The following FAM76B variants were observed in gnomAD, a reference collection of about 807,000 sequenced individuals.
FAM76B encodes protein FAM76B.
A neutral mutation model predicts 51.8 loss-of-function variants in FAM76B; 16 were observed. The observed-to-expected ratio is 0.31, with a 90% CI of 0.21 to 0.47. The LOEUF (loss-of-function observed/expected upper bound fraction) is 0.47. Among genes scored for constraint, FAM76B ranks in the 20% least tolerant of loss-of-function variants. FAM76B has a pLI of 1.00. For synonymous variants in FAM76B, 166 were observed against 129.5 expected (o/e 1.28, Z -1.91); for missense variants, 342 against 392.6 (o/e 0.87, Z 1.09).
intron 9 of FAM76B, among the ~76,000 whole-genome samples, chr11:95,772,894 A>AC (rs1859833223): frequency 2.0e-5 from 3 of 151,172 alleles, no homozygotes; most frequent in African/African-American, 7.3e-5. Flanking sequence ...TTATATGTGC[A>AC]AATCAAATAA....
At chr11:95,783,345 T>C in intron 4 of FAM76B, 81 bp from the exon 5 acceptor site, 1 of 1,174,614 alleles carries the variant, frequency 8.5e-7, no homozygotes. Context: ...CCACTCAACT[T>C]CCACCTATAT....
At chr11:95,780,702 T>C (rs1860221244) in intron 5 of FAM76B, among the ~76,000 whole-genome samples, 1 of 151,980 alleles carries the variant, frequency 6.6e-6, no homozygotes, top group South Asian at 2.1e-4. Context: ...GCCACGTATT[T>C]ATACGATTTA....
rs559080262 is a variant in FAM76B, at chr11:95,773,803, C to T, written c.930+2119G>A. ...TGAATAAGAGTTTTAACTTGATATT[C>T]TTAGTATTTTCAATATTTGGGGTAT... On this transcript the variant is annotated intron_variant, in intron 9 of 9. Transcript: ENST00000358780. 4.6e-5 allele frequency among the ~76,000 whole-genome samples: 7 copies of T among 151,332 alleles called. No homozygotes were observed. In the South Asian group the frequency reaches 1.5e-3, roughly 31 times the overall value.
At chr11:95,771,712 G>A in intron 9 of FAM76B, 62 bp from the exon 10 acceptor site, 2 of 1,264,762 alleles carry the variant, frequency 1.6e-6, no homozygotes, top group South Asian at 1.3e-5. Flanking sequence ...TCATGCTGAA[G>A]AATACTACTT....
chr11:95,783,965 G>A (rs1227877009), intron 4 of FAM76B, among the ~76,000 whole-genome samples: 1 of 152,168 alleles, frequency 6.6e-6, no homozygotes. Flanking sequence ...AAAGAGTACT[G>A]CCAAAGTGCT....
chr11:95,772,338 AATTTC>A (rs1338461430), intron 9 of FAM76B, among the ~76,000 whole-genome samples: 2 of 151,258 alleles, frequency 1.3e-5, no homozygotes, highest in South Asian at 2.1e-4. Context: ...AAAGATTCAA[AATTTC>A]ATTTCATCAT....
At chr11:95,781,803 T>G (rs909822603) in intron 5 of FAM76B, among the ~76,000 whole-genome samples, 1 of 152,234 alleles carries the variant, frequency 6.6e-6, no homozygotes, top group Admixed American at 6.5e-5. Flanking sequence ...CATTGTAGTC[T>G]ACCACTGCCA....
In FAM76B at chr11:95,789,470, GGCC is replaced by G. The variant is rs1565301061; in HGVS notation, c.6_8del (p.Ala3del). On this transcript the variant is annotated inframe_deletion, in exon 1 of 10. Coordinates refer to ENST00000358780, the MANE Select transcript of FAM76B (RefSeq NM_144664.5). ...ACTTGGTGCAGGCGTACAGGGCCGAGGCCGCCATCCTGCTCCTCAGTCTCCTCC... is the reference window on the plus strand; with the variant it reads ...ACTTGGTGCAGGCGTACAGGGCCGAGGCCATCCTGCTCCTCAGTCTCCTCC... 1.9e-6 allele frequency: 3 copies of G among 1,605,904 alleles called. No homozygotes were observed.
In FAM76B at chr11:95,771,531, G is replaced by T. The variant is rs1304235010; in HGVS notation, c.*30C>A. 10 of 1,566,632 alleles carry T rather than the reference G, an allele frequency of 6.4e-6. No homozygotes were observed. The highest frequency in any genetic ancestry group is 5.2e-5 in the Admixed American group (3 of 58,044). Reference sequence around the variant, plus strand: ...AATTTTTTTTCCCCAAATTTACATTGTAAGAAGAAATGCTAAACAAATGAC... The same window carrying T: ...AATTTTTTTTCCCCAAATTTACATTTTAAGAAGAAATGCTAAACAAATGAC... On this transcript the variant is annotated 3_prime_UTR_variant, in exon 10 of 10. Transcript: ENST00000358780.
At chr11:95,785,082 T>G (rs1160449014) in intron 4 of FAM76B, among the ~76,000 whole-genome samples, 1 of 152,190 alleles carries the variant, frequency 6.6e-6, no homozygotes, top group African/African-American at 2.4e-5. Context: ...TCTAAAAATA[T>G]TACATACAAT....
intron 7 of FAM76B, chr11:95,779,205 A>G: frequency 7.1e-7 from 1 of 1,413,720 alleles, no homozygotes; most frequent in Non-Finnish European, 9.7e-7. Flanking sequence ...TAGGCAGCCA[A>G]TTTGTACAGT....
intron 9 of FAM76B, among the ~76,000 whole-genome samples, chr11:95,774,141 G>T (rs1019385065): frequency 6.6e-6 from 1 of 151,166 alleles, no homozygotes; most frequent in African/African-American, 2.4e-5. Context: ...AAAACCTGAG[G>T]AACCTGAAGT....
chr11:95,770,800 A>G lies in FAM76B; in HGVS notation c.*761T>C. 6.6e-6 allele frequency: 1 copy of G among 151,862 alleles called. No individual in the cohort carries two copies. The highest frequency in any genetic ancestry group is 1.9e-4 in the East Asian group (1 of 5,180). 9.4% of individuals were successfully genotyped at this position (151,862 alleles called of 1,614,324 possible). A position where few individuals can be genotyped will look rare whatever the true frequency, so the allele number is the denominator to read the frequency against. ...TGTACATATGCATTTATATACAAAC[A>G]TTTATTAAACATGATTTTAAAACAA... is the stretch of plus-strand genomic sequence containing the variant. On this transcript the variant is annotated 3_prime_UTR_variant, in exon 10 of 10. Transcript: ENST00000358780.
intron 8 of FAM76B, among the ~76,000 whole-genome samples, chr11:95,776,692 A>G (rs1157707893): frequency 1.3e-5 from 2 of 151,370 alleles, no homozygotes; most frequent in African/African-American, 4.8e-5. Flanking sequence ...GCTACATGAT[A>G]ATTTTTCATA....
intron 3 of FAM76B, among the ~76,000 whole-genome samples, chr11:95,787,186 A>T (rs1303537497): frequency 2.6e-5 from 4 of 152,248 alleles, no homozygotes; most frequent in Admixed American, 2.6e-4. Flanking sequence ...GTATCTATAG[A>T]AAATGTCTTT....
rs1486234885 is a variant in FAM76B, at chr11:95,787,569, CTT to C, written c.207+53_207+54del. On this transcript the variant is annotated intron_variant, in intron 3 of 9. Transcript: ENST00000358780. ...GTACATATTTTTTTAAAAGGTCCAG[CTT>C]TATGAAAAATATTAACTGGTAACAA... 5.8e-6 allele frequency: 9 copies of C among 1,552,718 alleles called. No homozygotes were observed. The African/African-American group carries it at 1.2e-4, about 21-fold the overall frequency.
chr11:95,775,442 C>T (rs1859956519), intron 9 of FAM76B, among the ~76,000 whole-genome samples: 1 of 151,300 alleles, frequency 6.6e-6, no homozygotes, highest in Admixed American at 6.6e-5. Context: ...CTTTGCGAAC[C>T]ACTGTACACA....
chr11:95,780,048 A>T, intron 5 of FAM76B, 122 bp from the exon 6 acceptor site: 1 of 909,932 alleles, frequency 1.1e-6, no homozygotes, highest in Non-Finnish European at 1.6e-6. Flanking sequence ...AGAAAGGTAT[A>T]TTTAAGTTTT....
intron 3 of FAM76B, among the ~76,000 whole-genome samples, chr11:95,787,055 C>T (rs1014536109): frequency 2.0e-5 from 3 of 152,124 alleles, no homozygotes; most frequent in African/African-American, 7.2e-5. Flanking sequence ...TTCTCCATAA[C>T]CAAGAATTTG....
Sources: allele counts gnomAD v4.1 joint callset (sites outside exome capture counted in the v4.1 genomes callset), GRCh38; gene constraint gnomAD v4.1.1; transcripts MANE v1.5; gene names NCBI Gene and HGNC (gene_info 2026-07-23, HGNC 2026-07-21).